The following LEPR variants were observed in gnomAD, a reference collection of about 807,000 sequenced individuals.
The protein encoded by LEPR is leptin receptor.
LEPR carries 56 observed loss-of-function variants against 114.7 expected under a neutral mutation model. The observed-to-expected ratio is 0.49, with a 90% CI of 0.39 to 0.61. The LOEUF (loss-of-function observed/expected upper bound fraction) is 0.61, where lower values mean the gene tolerates loss of function less well. Ranked by LOEUF, LEPR falls within the 20% of genes least tolerant of loss-of-function variation. LEPR has a pLI of 0.00. For synonymous variants in LEPR, 443 were observed against 461.4 expected, an observed-to-expected ratio of 0.96 and a Z score of 0.51; for missense variants, 1,202 against 1,352.9, an observed-to-expected ratio of 0.89 and a Z score of 1.75.
chr1:65,610,053 G>A lies in LEPR; in HGVS notation c.1859G>A (p.Gly620Glu), dbSNP rs530256581. 6.2e-7 allele frequency: 1 copy of A among 1,614,204 alleles called. No homozygotes were observed. Among genetic ancestry groups the A allele is most frequent in the Non-Finnish European group, 8.5e-7 (1 of 1,180,028 alleles). Residue 620 changes from glycine (G) to glutamate (E), a missense_variant, in exon 13 of 20, where the codon GGA becomes GAA. Gly to Glu is a moderately conservative substitution (Grantham distance 98). Transcript: ENST00000349533. ...QVRCKRLDGL[G>E]YWSNWSNPAY... ...CGCTGTAAGAGGCTAGATGGACTGG[G>A]ATATTGGAGTAATTGGAGCAATCCA...
At chr1:65,465,178 C>T (rs1037350142) in intron 2 of LEPR, among the ~76,000 whole-genome samples, 3 of 152,150 alleles carry the variant, frequency 2.0e-5, no homozygotes, top group Non-Finnish European at 4.4e-5. Context: ...ATAAATTTCC[C>T]TCTACACACT....
intron 2 of LEPR, among the ~76,000 whole-genome samples, chr1:65,558,529 TTTTTTTTTG>T (rs1557662063): frequency 2.1e-4 from 12 of 55,972 alleles, no homozygotes; most frequent in South Asian, 5.9e-4. Flanking sequence ...ATCAGAAGTT[TTTTTTTTTG>T]TTTTTTTTTT....
At chr1:65,605,372 A>T in intron 11 of LEPR, 135 bp downstream of exon 11, 1 of 1,097,650 alleles carries the variant, frequency 9.1e-7, no homozygotes, top group Non-Finnish European at 1.4e-6. Context: ...TTACAGTGGT[A>T]TTGAGAAAAT....
At chr1:65,482,056 A>T (rs1647258012) in intron 2 of LEPR, among the ~76,000 whole-genome samples, 1 of 152,058 alleles carries the variant, frequency 6.6e-6, no homozygotes, top group Non-Finnish European at 1.5e-5. Context: ...TCTATACAAC[A>T]GCAACAAAGC....
At chr1:65,601,768 T>G in intron 9 of LEPR, 75 bp from the exon 10 acceptor site, 1 of 1,590,612 alleles carries the variant, frequency 6.3e-7, no homozygotes, top group South Asian at 1.1e-5. Flanking sequence ...CTGTTAAAGA[T>G]GTAAGAAAAA....
At chr1:65,456,149 G>A (rs1209973607) in intron 2 of LEPR, among the ~76,000 whole-genome samples, 3 of 152,010 alleles carry the variant, frequency 2.0e-5, no homozygotes, top group African/African-American at 2.4e-5. Context: ...GCTCGTGCAC[G>A]GTGCGCGCAC....
intron 2 of LEPR, chr1:65,525,933 A>G (rs1161957280): frequency 4.7e-6 from 4 of 851,462 alleles, no homozygotes; most frequent in Non-Finnish European, 5.6e-6. Flanking sequence ...CGGGCCGCTT[A>G]GGGACTGGGA....
At chr1:65,445,125 T>C (rs1424434036) in intron 2 of LEPR, among the ~76,000 whole-genome samples, 2 of 152,164 alleles carry the variant, frequency 1.3e-5, no homozygotes, top group South Asian at 2.1e-4. Flanking sequence ...TAGGTGTAAA[T>C]TGGTACCATC....
chr1:65,554,534 A>C (rs548824404), intron 2 of LEPR, among the ~76,000 whole-genome samples: 1 of 152,258 alleles, frequency 6.6e-6, no homozygotes, highest in South Asian at 2.1e-4. Context: ...TGCCTATTCA[A>C]GCCTCAGTAA....
At chr1:65,466,830 TTG>T (rs1217583843) in intron 2 of LEPR, among the ~76,000 whole-genome samples, 1 of 152,250 alleles carries the variant, frequency 6.6e-6, no homozygotes, top group Admixed American at 6.5e-5. Flanking sequence ...CTATTGAACC[TTG>T]TGCATGCATC....
At chr1:65,626,372 A>G in intron 19 of LEPR, 1 of 1,184,622 alleles carries the variant, frequency 8.4e-7, no homozygotes, top group South Asian at 3.6e-5. Context: ...TGTAGGACTG[A>G]TTTTTTAAAA....
chr1:65,641,003 T>C lies in LEPR; in HGVS notation c.*3988T>C, dbSNP rs1658843320. Reference sequence around the variant, plus strand: ...GTTGGCCAGGCTGGTCTTGAACTCCTGACCTCAAGTGATCCGCCCTCATTG... The same window carrying C: ...GTTGGCCAGGCTGGTCTTGAACTCCCGACCTCAAGTGATCCGCCCTCATTG... On this transcript the variant is annotated 3_prime_UTR_variant, in exon 20 of 20. Coordinates refer to ENST00000349533, the MANE Select transcript of LEPR (RefSeq NM_002303.6). 1 of 152,220 alleles carries C rather than the reference T, an allele frequency of 6.6e-6. No individual in the cohort carries two copies. Among genetic ancestry groups the C allele is most frequent in the Admixed American group, 6.5e-5 (1 of 15,278 alleles). The allele number at this position is 152,220 out of a possible 1,614,324, so 9.4% of individuals were successfully genotyped here.
At position 65,601,529 on chromosome 1, in the gene LEPR, C is replaced by G. The variant is rs1259554406; in HGVS notation, c.1132C>G (p.Gln378Glu). 39 of 1,613,740 alleles carry G rather than the reference C, an allele frequency of 2.4e-5. No homozygotes were observed. Among genetic ancestry groups the G allele is most frequent in the Non-Finnish European group, 2.9e-5 (34 of 1,179,736 alleles). ...WWMNLAEKIP[Q>E]SQYDVVSDHV... is the part of the protein sequence containing the mutation. ...GATGAATTTAGCTGAGAAAATTCCTCAAAGCCAGTATGATGTTGTGAGTGA... is the reference window on the plus strand; with the variant it reads ...GATGAATTTAGCTGAGAAAATTCCTGAAAGCCAGTATGATGTTGTGAGTGA... The change falls in exon 9 of 20, where the codon CAA (glutamine) becomes GAA (glutamate). Residue 378 changes from glutamine to glutamate, a missense_variant. Coordinates refer to ENST00000349533, the MANE Select transcript of LEPR (RefSeq NM_002303.6).
intron 2 of LEPR, among the ~76,000 whole-genome samples, chr1:65,450,366 G>A (rs1473475457): frequency 6.7e-5 from 10 of 149,552 alleles, no homozygotes; most frequent in East Asian, 2.0e-4. Flanking sequence ...ATGCTGGTGC[G>A]CTGCACCCAC....
Position 65,633,189 on chromosome 1 carries a change from C to T in LEPR, c.2674-3002C>T, listed in dbSNP as rs994098345. On this transcript the variant is annotated intron_variant, in intron 19 of 19. Transcript: ENST00000349533. This position sits in a 1 kb window ranked among gnomAD's most constrained non-coding sequence, Gnocchi z 4.1. ...CTTTGAAGTCTAATCATGATCACTA[C>T]AGATGAACCCAATGTGCCAACTTCC... 1.2e-6 allele frequency: 2 copies of T among 1,608,940 alleles called. No individual in the cohort carries two copies. The highest frequency in any genetic ancestry group is 1.7e-5 in the Admixed American group (1 of 59,880).
chr1:65,605,910 C>A (rs1189990512), intron 11 of LEPR, among the ~76,000 whole-genome samples: 1 of 152,016 alleles, frequency 6.6e-6, no homozygotes, highest in East Asian at 1.9e-4. Flanking sequence ...TTTTGTAGAT[C>A]TTTTCTAAAT....
At chr1:65,488,612 A>G (rs2100483743) in intron 2 of LEPR, among the ~76,000 whole-genome samples, 1 of 152,050 alleles carries the variant, frequency 6.6e-6, no homozygotes, top group Admixed American at 6.6e-5. Context: ...TACAGGTGTG[A>G]GCCACCATGC....
chr1:65,550,089 G>T (rs1178875933), intron 2 of LEPR, among the ~76,000 whole-genome samples: 1 of 152,200 alleles, frequency 6.6e-6, no homozygotes, highest in East Asian at 1.9e-4. Flanking sequence ...TCCAGACCCT[G>T]TTTGCCTGGG....
In LEPR at chr1:65,637,359, AAC is replaced by A. The variant is rs10552268; in HGVS notation, c.*362_*363del. The stretch of plus-strand genomic sequence containing the variant: ...TTACCTCAAGTTTTTGTTTTGTACC[AAC>A]ACACACACACACACACATTCTTAAC... On this transcript the variant is annotated 3_prime_UTR_variant, in exon 20 of 20. Transcript: ENST00000349533. The A allele has an allele frequency of 0.41, 78,700 of 192,590 alleles. 16,913 individuals carry two copies. Among genetic ancestry groups the A allele is most frequent in the East Asian group, 0.83 (5,885 of 7,116 alleles). The allele number at this position is 192,590 out of a possible 1,614,324, so 11.9% of individuals were successfully genotyped here.
Sources: gnomAD v4.1 joint callset for allele counts (sites outside exome capture counted in the v4.1 genomes callset) on GRCh38, gnomAD v4.1.1 for gene constraint, Gnocchi (gnomAD v3.1) non-coding constraint, MANE v1.5 for transcripts, NCBI Gene and HGNC (gene_info 2026-07-23, HGNC 2026-07-21) for gene names.